RFX2: variants seen among roughly 807,000 people sequenced by gnomAD.
The protein encoded by RFX2 is DNA-binding protein RFX2.
A neutral mutation model predicts 87.8 loss-of-function variants in RFX2; 20 were observed. The ratio of observed to expected loss-of-function variants is 0.23; its 90% CI spans 0.16 to 0.33. The LOEUF (loss-of-function observed/expected upper bound fraction) is 0.33, where lower values mean the gene tolerates loss of function less well. Among genes scored for constraint, RFX2 ranks in the 10% least tolerant of loss-of-function variants. RFX2 has a pLI of 1.00. For missense variants in RFX2, 767 were observed against 1,012.3 expected, an observed-to-expected ratio of 0.76 and a Z score of 3.29; for synonymous variants, 397 against 431.3, an observed-to-expected ratio of 0.92 and a Z score of 0.98.
Position 6,045,051 on chromosome 19 carries a change from C to T in RFX2, c.91-769G>A, listed in dbSNP as rs562186039. Among the ~76,000 whole-genome samples the T allele has an allele frequency of 1.3e-3, 193 of 152,244 alleles. No individual in the cohort carries two copies. Among genetic ancestry groups the T allele is most frequent in the African/African-American group, 4.5e-3 (187 of 41,536 alleles). On this transcript the variant is annotated intron_variant, in intron 2 of 17. Coordinates refer to ENST00000303657, the MANE Select transcript of RFX2 (RefSeq NM_000635.4). This position sits in a 1 kb window ranked among gnomAD's most constrained non-coding sequence, Gnocchi z 5.2. ...TGTGTTTATTGAGAGCTGGGGCTTT[C>T]GGAGTCATTGGCTGCAGTGCTGTGA...
intron 5 of RFX2, among the ~76,000 whole-genome samples, chr19:6,029,771 C>A (rs566991378): frequency 2.0e-5 from 3 of 152,146 alleles, no homozygotes; most frequent in African/African-American, 2.4e-5. Context: ...AGTAGAATAT[C>A]AATAAGGAGA....
intron 1 of RFX2, among the ~76,000 whole-genome samples, chr19:6,082,578 G>A (rs1485851409): frequency 1.3e-5 from 2 of 151,980 alleles, no homozygotes; most frequent in South Asian, 2.1e-4. Flanking sequence ...GACCACAGGC[G>A]TGCACCACCA....
intron 1 of RFX2, chr19:6,077,162 A>G (rs1188061671): frequency 1.3e-5 from 2 of 152,240 alleles, no homozygotes; most frequent in Non-Finnish European, 2.9e-5. Flanking sequence ...CTTGCCGGTG[A>G]GAGGGAGTGA....
Position 5,995,592 on chromosome 19 carries a change from C to T in RFX2, c.2056+9G>A, listed in dbSNP as rs200826089. ...AGGGTCGTGGTGGGAAAGCCGCAGA[C>T]GCACCTACCTTTGTCGAGCAGCGTC... is the stretch of plus-strand genomic sequence containing the variant. On this transcript the variant is annotated intron_variant, in intron 17 of 17. Transcript: ENST00000303657. 60 of 1,551,928 alleles carry T rather than the reference C, an allele frequency of 3.9e-5. No homozygotes were observed. In the African/African-American group the frequency reaches 6.7e-4, roughly 17 times the overall value.
chr19:6,019,428 G>A (rs12974192), intron 6 of RFX2, among the ~76,000 whole-genome samples: 25,320 of 151,582 alleles, frequency 0.17, 2,367 homozygotes, highest in Middle Eastern at 0.23. Context: ...ACCCTTAAGA[G>A]CTTAAGAGCT....
rs2144864888 is a variant in RFX2, at chr19:6,083,732, C to T, written c.-9+26661G>A. On this transcript the variant is annotated intron_variant, in intron 1 of 17. Transcript: ENST00000303657. This position sits in a 1 kb window ranked among gnomAD's most constrained non-coding sequence, Gnocchi z 4.6. ...GACCACAGGTATGTGCCACCATGCC[C>T]GGGTAATTTTTTAATTTTTTGTACA... 6.6e-6 allele frequency among the ~76,000 whole-genome samples: 1 copy of T among 151,822 alleles called. No homozygotes were observed. Among genetic ancestry groups the T allele is most frequent in the East Asian group, 1.9e-4 (1 of 5,190 alleles).
chr19:6,103,475 GC>G, intron 1 of RFX2, among the ~76,000 whole-genome samples: 1 of 152,156 alleles, frequency 6.6e-6, no homozygotes, highest in Non-Finnish European at 1.5e-5. Context: ...CGAAGACCAG[GC>G]CAGTCCCCGG....
At chr19:6,019,509 AG>A (rs2086776902) in intron 6 of RFX2, among the ~76,000 whole-genome samples, 4 of 69,864 alleles carry the variant, frequency 5.7e-5, no homozygotes, top group East Asian at 3.6e-4. Context: ...TTAGTGTGTG[AG>A]TATGTGTGTG....
chr19:6,048,373 AGAT>A (rs2144781427), intron 1 of RFX2, among the ~76,000 whole-genome samples: 1 of 152,388 alleles, frequency 6.6e-6, no homozygotes, highest in African/African-American at 2.4e-5. Context: ...ATATCGTGGC[AGAT>A]GATACAAATT....
rs2086603748 is a variant in RFX2 at position 6,007,826 on chromosome 19, A to G, written c.1135-24T>C. Reference sequence around the variant, plus strand: ...GCCTAGGAATGAAGGGACCGGTGAGACAGACGGGTGCGTGCGCCCATCACG... The same window carrying G: ...GCCTAGGAATGAAGGGACCGGTGAGGCAGACGGGTGCGTGCGCCCATCACG... On this transcript the variant is annotated intron_variant, in intron 10 of 17. Coordinates refer to ENST00000303657, the MANE Select transcript of RFX2 (RefSeq NM_000635.4). This position sits in a 1 kb window ranked among gnomAD's most constrained non-coding sequence, Gnocchi z 8.2. The G allele has an allele frequency of 1.4e-6, 2 of 1,465,390 alleles. No individual in the cohort carries two copies. Among genetic ancestry groups the G allele is most frequent in the Non-Finnish European group, 9.4e-7 (1 of 1,068,280 alleles). The allele number at this position is 1,465,390 out of a possible 1,614,324, so 90.8% of individuals were successfully genotyped here. A position where few individuals can be genotyped will look rare whatever the true frequency, so the allele number is the denominator to read the frequency against.
intron 12 of RFX2, among the ~76,000 whole-genome samples, chr19:6,005,451 G>T (rs1352260161): frequency 6.6e-6 from 1 of 152,230 alleles, no homozygotes; most frequent in Non-Finnish European, 1.5e-5. Context: ...TCTGTGCCCA[G>T]CTTCCTTGAC....
intron 1 of RFX2, among the ~76,000 whole-genome samples, chr19:6,058,381 G>A (rs1282350217): frequency 6.6e-6 from 1 of 152,196 alleles, no homozygotes; most frequent in Non-Finnish European, 1.5e-5. Context: ...GAGTAAAACA[G>A]GCCTGTAGAC....
At position 6,004,048 on chromosome 19, in the gene RFX2, G is replaced by A. The variant is rs1431623034; in HGVS notation, c.1500+153C>T. Among the ~76,000 whole-genome samples, 2 of 152,084 alleles carry A rather than the reference G, an allele frequency of 1.3e-5. No homozygotes were observed. The highest frequency in any genetic ancestry group is 2.4e-5 in the African/African-American group (1 of 41,426). ...TTCCTGCCAGCACTGACGCGTCACC[G>A]GCAGTGTGCTCAGGGCTTCCTGAAG... is the stretch of plus-strand genomic sequence containing the variant. On this transcript the variant is annotated intron_variant, in intron 13 of 17. Coordinates refer to ENST00000303657, the MANE Select transcript of RFX2 (RefSeq NM_000635.4). The surrounding 1 kb of genome is among the most constrained non-coding windows in gnomAD (Gnocchi z 4.8).
chr19:6,107,872 C>T (rs2088244267), intron 1 of RFX2, among the ~76,000 whole-genome samples: 1 of 152,074 alleles, frequency 6.6e-6, no homozygotes, highest in South Asian at 2.1e-4. Context: ...AAATATACAT[C>T]ACATACACAT....
rs199693642 is a variant in RFX2, at chr19:6,048,714, T to C, written c.-8-1210A>G. ...CAGAGGTTTTATCTCTTATAATGAG[T>C]GAAAAAAATTTTAAGCTTTTTAAAA... On this transcript the variant is annotated intron_variant, in intron 1 of 17. Coordinates refer to ENST00000303657, the MANE Select transcript of RFX2 (RefSeq NM_000635.4). Among the ~76,000 whole-genome samples, 64 of 152,248 alleles carry C rather than the reference T, an allele frequency of 4.2e-4. 1 individual carries two copies. In the East Asian group the frequency reaches 0.012, roughly 28 times the overall value.
intron 6 of RFX2, among the ~76,000 whole-genome samples, chr19:6,018,452 T>C (rs969231346): frequency 3.3e-5 from 5 of 152,232 alleles, no homozygotes; most frequent in African/African-American, 1.2e-4. Flanking sequence ...CCCTGGGTTC[T>C]GGAACGTTTC....
chr19:6,016,948 A>C lies in RFX2; in HGVS notation c.598-677T>G, dbSNP rs1179816879. Among the ~76,000 whole-genome samples, 1 of 152,244 alleles carries C rather than the reference A, an allele frequency of 6.6e-6. No individual in the cohort carries two copies. Among genetic ancestry groups the C allele is most frequent in the African/African-American group, 2.4e-5 (1 of 41,464 alleles). Reference sequence around the variant, plus strand: ...ATGGAGAGAAATTCTGTTGCTGAACAGGAAGATTGAAGAAGACTCGGGGGC... The same window carrying C: ...ATGGAGAGAAATTCTGTTGCTGAACCGGAAGATTGAAGAAGACTCGGGGGC... On this transcript the variant is annotated intron_variant, in intron 6 of 17. Coordinates refer to ENST00000303657, the MANE Select transcript of RFX2 (RefSeq NM_000635.4). The surrounding 1 kb of genome is among the most constrained non-coding windows in gnomAD (Gnocchi z 5.4).
At position 6,027,715 on chromosome 19, in the gene RFX2, T is replaced by TA. The variant is rs2086909500; in HGVS notation, c.523-1479dup. 6.6e-6 allele frequency among the ~76,000 whole-genome samples: 1 copy of TA among 152,206 alleles called. No homozygotes were observed. The highest frequency in any genetic ancestry group is 1.5e-5 in the Non-Finnish European group (1 of 68,042). ...TTTGGTCTATTAAAAAATACACTAT[T>TA]ACAAAATTTTGAGATTTCACCACCC... On this transcript the variant is annotated intron_variant, in intron 5 of 17. Coordinates refer to ENST00000303657, the MANE Select transcript of RFX2 (RefSeq NM_000635.4). The surrounding 1 kb of genome is among the most constrained non-coding windows in gnomAD (Gnocchi z 5.0).
At chr19:6,071,035 GTT>G (rs1158829511) in intron 1 of RFX2, among the ~76,000 whole-genome samples, 2 of 152,082 alleles carry the variant, frequency 1.3e-5, no homozygotes, top group Non-Finnish European at 2.9e-5. Flanking sequence ...TTTCCTTATG[GTT>G]ACTCCATACC....
Sources: allele counts gnomAD v4.1 joint callset (sites outside exome capture counted in the v4.1 genomes callset), GRCh38; gene constraint gnomAD v4.1.1; non-coding constraint Gnocchi (gnomAD v3.1); transcripts MANE v1.5; gene names NCBI Gene and HGNC (gene_info 2026-07-23, HGNC 2026-07-21).